The following DYNC1LI1 variants were observed in gnomAD, a reference collection of about 807,000 sequenced individuals.
DYNC1LI1 encodes dynein cytoplasmic 1 light intermediate chain 1, also known as cytoplasmic dynein 1 light intermediate chain 1.
DYNC1LI1 carries 19 observed loss-of-function variants against 63.8 expected under a neutral mutation model. That is an observed-to-expected ratio of 0.30 (90% CI 0.21 to 0.44). DYNC1LI1 has a LOEUF of 0.44. Ranked by LOEUF, DYNC1LI1 falls within the 20% of genes least tolerant of loss-of-function variation. The pLI is 1.00. For missense variants in DYNC1LI1, 565 were observed against 630.2 expected (o/e 0.90, Z 1.11); for synonymous variants, 225 against 232.3 (o/e 0.97, Z 0.28).
intron 2 of DYNC1LI1, among the ~76,000 whole-genome samples, chr3:32,557,535 TAAATAAAAATA>T (rs1231080216): frequency 6.7e-6 from 1 of 149,020 alleles, no homozygotes; most frequent in East Asian, 2.0e-4. Flanking sequence ...AAAAAGTAAA[TAAATAAAAATA>T]AAATAAAAAA....
intron 2 of DYNC1LI1, among the ~76,000 whole-genome samples, chr3:32,559,769 G>A (rs141002872): frequency 5.3e-5 from 8 of 152,284 alleles, no homozygotes; most frequent in African/African-American, 1.9e-4. Context: ...ATCCAATTGA[G>A]ATATCAACAT....
At chr3:32,541,958 T>C (rs1389539683) in intron 4 of DYNC1LI1, among the ~76,000 whole-genome samples, 4 of 152,156 alleles carry the variant, frequency 2.6e-5, no homozygotes, top group South Asian at 2.1e-4. Context: ...AGGATTAAAA[T>C]AGTATATGAG....
intron 2 of DYNC1LI1, among the ~76,000 whole-genome samples, chr3:32,563,961 C>G (rs1307933262): frequency 6.6e-6 from 1 of 152,238 alleles, no homozygotes; most frequent in Non-Finnish European, 1.5e-5. Context: ...AACTAGAAAT[C>G]TCTATTAACT....
At chr3:32,560,512 A>T (rs1407193158) in intron 2 of DYNC1LI1, among the ~76,000 whole-genome samples, 4 of 152,152 alleles carry the variant, frequency 2.6e-5, no homozygotes, top group Non-Finnish European at 5.9e-5. Flanking sequence ...AATAGTAAAC[A>T]TGCTACATAA....
chr3:32,528,166 TTACAA>T (rs1458135633), intron 12 of DYNC1LI1, among the ~76,000 whole-genome samples: 1 of 134,696 alleles, frequency 7.4e-6, no homozygotes, highest in Non-Finnish European at 1.6e-5. Flanking sequence ...TTGATACATA[TTACAA>T]CATGTATGAC....
At chr3:32,528,816 T>C (rs1401260214) in intron 11 of DYNC1LI1, among the ~76,000 whole-genome samples, 1 of 152,170 alleles carries the variant, frequency 6.6e-6, no homozygotes, top group East Asian at 1.9e-4. Context: ...AGAATGTTAT[T>C]TTTAAAAGGC....
At chr3:32,539,284 G>T (rs1697844822) in intron 5 of DYNC1LI1, among the ~76,000 whole-genome samples, 1 of 152,054 alleles carries the variant, frequency 6.6e-6, no homozygotes, top group Non-Finnish European at 1.5e-5. Context: ...CCATTCCTTT[G>T]TTATGGATAA....
chr3:32,534,390 T>C (rs1278183035), intron 7 of DYNC1LI1, 121 bp downstream of exon 7: 2 of 717,386 alleles, frequency 2.8e-6, no homozygotes, highest in Non-Finnish European at 4.6e-6. Context: ...TAGGAACAGA[T>C]AGATTCTCAC....
intron 4 of DYNC1LI1, among the ~76,000 whole-genome samples, chr3:32,544,241 C>G (rs1274111990): frequency 6.6e-6 from 1 of 152,112 alleles, no homozygotes; most frequent in African/African-American, 2.4e-5. Flanking sequence ...TTTCTAGGCA[C>G]ATTTCATTTT....
At chr3:32,532,310 A>C (rs769341930) in intron 8 of DYNC1LI1, 18 of 151,682 alleles carry the variant, frequency 1.2e-4, no homozygotes, top group Admixed American at 4.6e-4. Flanking sequence ...ACAAAAATAC[A>C]AAAAAATTAG....
rs1302951358 is a variant in DYNC1LI1, at chr3:32,570,411, A to T, written c.155T>A (p.Ile52Asn). The part of the protein sequence containing the change: ...DEDGQNLWSC[I>N]LSEVSTRSRS... Reference sequence around the variant, plus strand: ...CGAGCGGGTGGAGACCTCGCTGAGGATGCAGGACCTAACGGGAAGCAAGGC... The same window carrying T: ...CGAGCGGGTGGAGACCTCGCTGAGGTTGCAGGACCTAACGGGAAGCAAGGC... Residue 52 changes from isoleucine (I) to asparagine (N), a missense_variant, in exon 2 of 13, where the codon ATC becomes AAC. Coordinates refer to ENST00000273130, the MANE Select transcript of DYNC1LI1 (RefSeq NM_016141.4). The T allele has an allele frequency of 1.2e-6, 2 of 1,602,762 alleles. No individual in the cohort carries two copies. The highest frequency in any genetic ancestry group is 3.4e-5 in the Admixed American group (2 of 59,004).
At chr3:32,556,658 C>A (rs9858103) in intron 2 of DYNC1LI1, among the ~76,000 whole-genome samples, 4,369 of 152,270 alleles carry the variant, frequency 0.029, 224 homozygotes, top group African/African-American at 0.099. Context: ...AATCCCTCCA[C>A]CTCAGCTTAA....
chr3:32,564,074 G>A (rs1320514887), intron 2 of DYNC1LI1, among the ~76,000 whole-genome samples: 2 of 152,208 alleles, frequency 1.3e-5, no homozygotes, highest in Non-Finnish European at 2.9e-5. Context: ...ACTGAGGTGG[G>A]AGGATCACTT....
chr3:32,541,008 G>A lies in DYNC1LI1; in HGVS notation c.738+29C>T. On this transcript the variant is annotated intron_variant, in intron 5 of 12. Transcript: ENST00000273130. The stretch of plus-strand genomic sequence containing the variant: ...AGTTGTTCATCCTCAGTGAATATCA[G>A]TTGCAGAATCCCTAGGAAGCAAACT... The A allele has an allele frequency of 1.9e-6, 3 of 1,538,534 alleles. No homozygotes were observed. The South Asian group carries it at 3.7e-5, about 19-fold the overall frequency.
intron 2 of DYNC1LI1, among the ~76,000 whole-genome samples, chr3:32,559,154 C>A (rs1396780987): frequency 6.6e-6 from 1 of 151,618 alleles, no homozygotes; most frequent in East Asian, 1.9e-4. Context: ...TCCCGAGTAA[C>A]TTGCACTACA....
chr3:32,554,824 T>G (rs1354855545), intron 2 of DYNC1LI1, among the ~76,000 whole-genome samples: 2 of 152,012 alleles, frequency 1.3e-5, no homozygotes, highest in Non-Finnish European at 2.9e-5. Context: ...CCTCTCTCAT[T>G]TATCAACTTT....
intron 7 of DYNC1LI1, among the ~76,000 whole-genome samples, chr3:32,534,165 C>T (rs569651362): frequency 1.3e-5 from 2 of 152,180 alleles, no homozygotes; most frequent in South Asian, 2.1e-4. Context: ...CGTGAGCCAC[C>T]GTGCTCAGCC....
chr3:32,530,765 T>C (rs1036529229), intron 8 of DYNC1LI1: 3 of 439,706 alleles, frequency 6.8e-6, no homozygotes, highest in Non-Finnish European at 8.2e-6. Flanking sequence ...TAGCCACCAG[T>C]GGCTACTGAG....
chr3:32,526,598 C>G lies in DYNC1LI1; in HGVS notation c.*201G>C, dbSNP rs11715873. ...CAAAATGGCAATGCAAACAGCAATCCTACATAATGTAGAATAATTTTTCTT... is the reference window on the plus strand; with the variant it reads ...CAAAATGGCAATGCAAACAGCAATCGTACATAATGTAGAATAATTTTTCTT... On this transcript the variant is annotated 3_prime_UTR_variant, in exon 13 of 13. Coordinates refer to ENST00000273130, the MANE Select transcript of DYNC1LI1 (RefSeq NM_016141.4). 9 of 416,892 alleles carry G rather than the reference C, an allele frequency of 2.2e-5. No homozygotes were observed. In the Admixed American group the frequency reaches 3.0e-4, roughly 14 times the overall value. 25.8% of individuals were successfully genotyped at this position (416,892 alleles called of 1,614,324 possible).
Sources: gnomAD v4.1 joint callset for allele counts (sites outside exome capture counted in the v4.1 genomes callset) on GRCh38, gnomAD v4.1.1 for gene constraint, MANE v1.5 for transcripts, NCBI Gene and HGNC (gene_info 2026-07-23, HGNC 2026-07-21) for gene names.